The following RBM19 variants were observed in gnomAD, a reference collection of about 807,000 sequenced individuals.
RBM19 encodes the protein probable RNA-binding protein 19.
A neutral mutation model predicts 116.8 loss-of-function variants in RBM19; 94 were observed. The ratio of observed to expected loss-of-function variants is 0.80; its 90% confidence interval spans 0.68 to 0.95. RBM19 has a LOEUF of 0.95. Among genes scored for constraint, RBM19 ranks in the 40% least tolerant of loss-of-function variants. The pLI is 0.00. For synonymous variants in RBM19, 475 were observed against 494.1 expected, an observed-to-expected ratio of 0.96 and a Z score of 0.51; for missense variants, 1,161 against 1,220.7, an observed-to-expected ratio of 0.95 and a Z score of 0.73.
chr12:113,867,524 T>C (rs1878909430), intron 21 of RBM19, among the ~76,000 whole-genome samples: 1 of 152,130 alleles, frequency 6.6e-6, no homozygotes, highest in Non-Finnish European at 1.5e-5. Context: ...CTCAGCAAAA[T>C]AGTTTTCAGC....
intron 2 of RBM19, 95 bp from the exon 3 acceptor site, chr12:113,960,273 C>T: frequency 6.5e-7 from 1 of 1,538,938 alleles, no homozygotes; most frequent in Non-Finnish European, 8.9e-7. Context: ...TTTCAGACAA[C>T]TGTCACTGCC....
chr12:113,893,578 TA>T (rs2135811939), intron 21 of RBM19, among the ~76,000 whole-genome samples: 1 of 152,346 alleles, frequency 6.6e-6, no homozygotes, highest in Non-Finnish European at 1.5e-5. Context: ...GTAGTGTTTC[TA>T]ATTTTTTGCT....
intron 2 of RBM19, 29 bp from the exon 3 acceptor site, chr12:113,960,207 C>T (rs745311853): frequency 2.5e-6 from 4 of 1,612,374 alleles, no homozygotes; most frequent in Admixed American, 1.7e-5. Flanking sequence ...GATTTTCACA[C>T]CTGCCATGGC....
intron 8 of RBM19, 72 bp from the exon 9 acceptor site, chr12:113,950,226 C>T (rs1415883771): frequency 3.2e-6 from 4 of 1,262,284 alleles, no homozygotes; most frequent in Non-Finnish European, 3.4e-6. Context: ...CAGAGGAACA[C>T]CCATACTGTG....
chr12:113,853,548 T>A (rs565791770), intron 22 of RBM19, among the ~76,000 whole-genome samples: 1 of 152,344 alleles, frequency 6.6e-6, no homozygotes, highest in Admixed American at 6.5e-5. Flanking sequence ...GCAAGTCTAT[T>A]CTTTGTGGTC....
intron 23 of RBM19, among the ~76,000 whole-genome samples, chr12:113,826,372 G>A (rs563603941): frequency 8.5e-5 from 13 of 152,332 alleles, no homozygotes; most frequent in African/African-American, 2.4e-4. Flanking sequence ...ACTGTGCCTG[G>A]CACATAGTAG....
chr12:113,858,377 T>C (rs1005483341), intron 22 of RBM19, among the ~76,000 whole-genome samples: 15 of 152,216 alleles, frequency 9.9e-5, no homozygotes, highest in Non-Finnish European at 1.5e-5. Context: ...CGCATTCCCG[T>C]GGCTGCTTCT....
At chr12:113,947,498 C>A in intron 10 of RBM19, 34 bp from the exon 11 acceptor site, 1 of 1,568,152 alleles carries the variant, frequency 6.4e-7, no homozygotes. Flanking sequence ...CTCTGGTAGG[C>A]CGCAGCCACT....
intron 21 of RBM19, among the ~76,000 whole-genome samples, chr12:113,876,745 C>T (rs1448563665): frequency 6.6e-6 from 1 of 151,940 alleles, no homozygotes; most frequent in Admixed American, 6.6e-5. Flanking sequence ...GAGCTGAGAT[C>T]GTGCCACTGC....
intron 23 of RBM19, among the ~76,000 whole-genome samples, chr12:113,835,036 T>C (rs1367866117): frequency 6.6e-6 from 1 of 152,110 alleles, no homozygotes; most frequent in South Asian, 2.1e-4. Flanking sequence ...AGACCAGCGG[T>C]GCTTCGAAGC....
chr12:113,915,047 C>T lies in RBM19; in HGVS notation c.2480G>A (p.Arg827Lys). ...CAGGATCTTGGAGGTGGTCTGCTTT[C>T]TGGGAACTTGTTTCTTCCGAGCCAA... ...VTLARKKQVP[R>K]KQTTSKILVR... is the part of the protein sequence containing the mutation. Residue 827 changes from arginine (R) to lysine (K), a missense_variant, in exon 21 of 24, where the codon AGA becomes AAA. Arg to Lys is a conservative substitution (Grantham distance 26). Transcript: ENST00000261741. 6.2e-7 allele frequency: 1 copy of T among 1,614,204 alleles called. No individual in the cohort carries two copies. The highest frequency in any genetic ancestry group is 8.5e-7 in the Non-Finnish European group (1 of 1,180,038).
At chr12:113,830,570 CGGGGCGGGG>C (rs1414336304) in intron 23 of RBM19, among the ~76,000 whole-genome samples, 2 of 7,856 alleles carry the variant, frequency 2.5e-4, no homozygotes, top group East Asian at 1.9e-3. Context: ...GCTAGGGCTG[CGGGGCGGGG>C]GGGGGGGGGG....
chr12:113,942,535 G>A (rs1333142374), intron 13 of RBM19, 101 bp from the exon 14 acceptor site: 6 of 862,026 alleles, frequency 7.0e-6, no homozygotes, highest in Non-Finnish European at 8.9e-6. Flanking sequence ...GGATGGAAAT[G>A]GATTCCACGG....
intron 21 of RBM19, among the ~76,000 whole-genome samples, chr12:113,884,767 GA>G (rs36021183): frequency 9.3e-5 from 14 of 150,516 alleles, no homozygotes; most frequent in South Asian, 2.1e-4. Context: ...CTTAAGGGTC[GA>G]AAAAAAAAGA....
intron 6 of RBM19, 37 bp from the exon 7 acceptor site, chr12:113,955,248 TA>T: frequency 6.3e-7 from 1 of 1,586,008 alleles, no homozygotes; most frequent in East Asian, 2.2e-5. Flanking sequence ...GTGGCCACAC[TA>T]ACCCTTCGTA....
intron 21 of RBM19, 80 bp from the exon 22 acceptor site, chr12:113,858,976 A>T: frequency 7.9e-7 from 1 of 1,269,048 alleles, no homozygotes. Context: ...TGATTCTCAC[A>T]TGTAAATCCC....
At chr12:113,899,882 G>A (rs1176518120) in intron 21 of RBM19, among the ~76,000 whole-genome samples, 1 of 152,144 alleles carries the variant, frequency 6.6e-6, no homozygotes, top group Non-Finnish European at 1.5e-5. Flanking sequence ...GGCCCTCCGA[G>A]CAAGCCCAGA....
rs576614645 is a variant in RBM19, at chr12:113,886,423, G to A, written c.2559-27527C>T. 3.3e-5 allele frequency among the ~76,000 whole-genome samples: 5 copies of A among 152,300 alleles called. No homozygotes were observed. The South Asian group carries it at 6.2e-4, about 19-fold the overall frequency. On this transcript the variant is annotated intron_variant, in intron 21 of 23. Transcript: ENST00000261741. The stretch of plus-strand genomic sequence containing the variant: ...GCTGAGATTAGAGGTGTAAGCCACC[G>A]CGACTGGCCAGCTTTGCCATTTTAA...
At chr12:113,900,316 T>C (rs1881607838) in intron 21 of RBM19, among the ~76,000 whole-genome samples, 2 of 152,194 alleles carry the variant, frequency 1.3e-5, no homozygotes, top group African/African-American at 4.8e-5. Context: ...TCATGGCAGA[T>C]AAATGACATA....
Sources: gnomAD v4.1 joint callset for allele counts (sites outside exome capture counted in the v4.1 genomes callset) on GRCh38, gnomAD v4.1.1 for gene constraint, MANE v1.5 for transcripts, NCBI Gene and HGNC (gene_info 2026-07-23, HGNC 2026-07-21) for gene names.